Variants in TDP1 observed in about 807,000 individuals in gnomAD.
TDP1 encodes the protein tyrosyl-DNA phosphodiesterase 1, also known as tyr-DNA phosphodiesterase 1.
A neutral mutation model predicts 81.5 loss-of-function variants in TDP1; 64 were observed. That is an observed-to-expected ratio of 0.79 (90% CI 0.64 to 0.97). The LOEUF (loss-of-function observed/expected upper bound fraction) is 0.97, where lower values mean the gene tolerates loss of function less well. Among genes scored for constraint, TDP1 ranks in the 50% least tolerant of loss-of-function variants. The pLI is 0.00. For missense variants in TDP1, 723 were observed against 743.8 expected, an observed-to-expected ratio of 0.97 and a Z score of 0.33; for synonymous variants, 256 against 264.3, an observed-to-expected ratio of 0.97 and a Z score of 0.30.
chr14:89,990,794 G>C (rs931309720), intron 12 of TDP1, among the ~76,000 whole-genome samples: 19 of 152,156 alleles, frequency 1.2e-4, no homozygotes, highest in African/African-American at 4.6e-4. Context: ...ATATGTCAGA[G>C]ATGTTTGGAT....
chr14:89,967,431 C>T lies in TDP1; in HGVS notation c.659+9C>T. The T allele has an allele frequency of 6.2e-7, 1 of 1,612,946 alleles. No homozygotes were observed. Among genetic ancestry groups the T allele is most frequent in the Non-Finnish European group, 8.5e-7 (1 of 1,178,974 alleles). ...TATCCACCAGAGTTCAGGTGAGTTC[C>T]TCAGGGTGACAGACAACACTATAAA... is the stretch of plus-strand genomic sequence containing the variant. On this transcript the variant is annotated intron_variant, in intron 5 of 16. Transcript: ENST00000335725.
At chr14:89,974,791 T>C (rs1894080634) in intron 6 of TDP1, among the ~76,000 whole-genome samples, 1 of 152,226 alleles carries the variant, frequency 6.6e-6, no homozygotes, top group South Asian at 2.1e-4. Context: ...AAGGCAGGAT[T>C]TGAGCCCATG....
intron 6 of TDP1, among the ~76,000 whole-genome samples, chr14:89,971,624 T>C (rs1893678864): frequency 6.6e-6 from 1 of 152,236 alleles, no homozygotes; most frequent in South Asian, 2.1e-4. Context: ...TCGTTTTCTC[T>C]CTTTAATTCA....
intron 14 of TDP1, among the ~76,000 whole-genome samples, chr14:90,003,842 C>T (rs937784015): frequency 1.3e-5 from 2 of 152,192 alleles, no homozygotes; most frequent in Non-Finnish European, 2.9e-5. Flanking sequence ...ATTCTCTCTC[C>T]TCTGCTTTTC....
intron 14 of TDP1, among the ~76,000 whole-genome samples, chr14:90,016,293 T>C (rs189085452): frequency 1.3e-5 from 2 of 152,184 alleles, no homozygotes; most frequent in African/African-American, 4.8e-5. Context: ...ATCCGCTGCC[T>C]TGGCCTCCCA....
At position 90,007,600 on chromosome 14, in the gene TDP1, C is replaced by A. The variant is rs73328421; in HGVS notation, c.1542-11716C>A. Among the ~76,000 whole-genome samples, 582 of 152,074 alleles carry A rather than the reference C, an allele frequency of 3.8e-3. 2 individuals carry two copies. Among genetic ancestry groups the A allele is most frequent in the African/African-American group, 0.014 (563 of 41,502 alleles). On this transcript the variant is annotated intron_variant, in intron 14 of 16. Transcript: ENST00000335725. ...CAAGACCCTGTCTCGGGGCGGGAAA[C>A]TGGGACAAAGTAACTGCCAACTAAG...
chr14:89,977,128 T>C (rs12881272), intron 7 of TDP1, among the ~76,000 whole-genome samples: 14,466 of 152,108 alleles, frequency 0.095, 1,769 homozygotes, highest in African/African-American at 0.28. Flanking sequence ...GCACTCCAGT[T>C]TGGGTGACAG....
chr14:89,984,667 G>T lies in TDP1; in HGVS notation c.1036G>T (p.Asp346Tyr). Residue 346 changes from aspartate to tyrosine, a missense_variant, in exon 9 of 17, where the codon GAT (aspartate) becomes TAT (tyrosine). Physicochemically the swap from Asp to Tyr is radical, Grantham distance 160. Transcript: ENST00000335725. ...KEWIDVIHKH[D>Y]LSETNVYLIG... Reference sequence around the variant, plus strand: ...GTGGATAGATGTCATTCACAAGCACGATCTCTCTGAAACAAAGTATGTGTC... The same window carrying T: ...GTGGATAGATGTCATTCACAAGCACTATCTCTCTGAAACAAAGTATGTGTC... 1.9e-6 allele frequency: 3 copies of T among 1,613,852 alleles called. No homozygotes were observed. The highest frequency in any genetic ancestry group is 2.5e-6 in the Non-Finnish European group (3 of 1,179,998).
At chr14:89,989,124 T>C (rs1423956495) in intron 11 of TDP1, 34 bp downstream of exon 11, 1 of 1,594,988 alleles carries the variant, frequency 6.3e-7, no homozygotes, top group South Asian at 1.1e-5. Context: ...TAGTTTACTT[T>C]TATTCTCTAC....
At chr14:90,012,436 A>G (rs1219709954) in intron 14 of TDP1, among the ~76,000 whole-genome samples, 2 of 150,438 alleles carry the variant, frequency 1.3e-5, no homozygotes. Context: ...CTCCGACCCC[A>G]TAATTCCCTT....
At chr14:90,011,771 A>G (rs1884735315) in intron 14 of TDP1, among the ~76,000 whole-genome samples, 1 of 152,248 alleles carries the variant, frequency 6.6e-6, no homozygotes, top group South Asian at 2.1e-4. Flanking sequence ...TTATTCATTC[A>G]TAGAGATACT....
At chr14:90,018,888 A>C in intron 14 of TDP1, 1 of 874,424 alleles carries the variant, frequency 1.1e-6, no homozygotes, top group Non-Finnish European at 1.4e-6. Flanking sequence ...ACTACCTGGC[A>C]AAAAAACTGA....
At chr14:89,999,642 G>A (rs966357478) in intron 14 of TDP1, among the ~76,000 whole-genome samples, 2 of 152,130 alleles carry the variant, frequency 1.3e-5, no homozygotes, top group Non-Finnish European at 2.9e-5. Context: ...GAGAATTATA[G>A]GCAATATGAA....
intron 2 of TDP1, 64 bp from the exon 3 acceptor site, chr14:89,963,044 T>C: frequency 6.2e-7 from 1 of 1,612,578 alleles, no homozygotes; most frequent in Non-Finnish European, 8.5e-7. Context: ...TTGAGAGCAA[T>C]AAAGTTATTT....
rs35685293 is a variant in TDP1, at chr14:89,962,623, G to A, written c.-7-485G>A. 3.4e-3 allele frequency among the ~76,000 whole-genome samples: 520 copies of A among 152,144 alleles called. 1 individual carries two copies. Among genetic ancestry groups the A allele is most frequent in the Non-Finnish European group, 5.0e-3 (337 of 68,014 alleles). Reference sequence around the variant, plus strand: ...TTATACTTGTAATCCCAGCACTTTGGAAGGCCAAGGTGGGTGGATCTCTTG... The same window carrying A: ...TTATACTTGTAATCCCAGCACTTTGAAAGGCCAAGGTGGGTGGATCTCTTG... On this transcript the variant is annotated intron_variant, in intron 2 of 16. Transcript: ENST00000335725.
At chr14:90,033,429 C>T in intron 16 of TDP1, 1 of 619,272 alleles carries the variant, frequency 1.6e-6, no homozygotes, top group East Asian at 3.1e-5. Context: ...ACAGATCCTT[C>T]CTGACTTACA....
intron 6 of TDP1, among the ~76,000 whole-genome samples, chr14:89,971,569 C>T (rs938794016): frequency 1.1e-4 from 16 of 152,238 alleles, no homozygotes; most frequent in Non-Finnish European, 1.8e-4. Context: ...TCATCTTACA[C>T]ATGTCAGTGA....
At chr14:89,983,447 G>C (rs1322618845) in intron 8 of TDP1, among the ~76,000 whole-genome samples, 1 of 152,206 alleles carries the variant, frequency 6.6e-6, no homozygotes, top group Non-Finnish European at 1.5e-5. Flanking sequence ...TTGCAGTTCT[G>C]GATGCCTTCT....
At chr14:89,996,096 T>C (rs1229023554) in intron 14 of TDP1, among the ~76,000 whole-genome samples, 1 of 152,192 alleles carries the variant, frequency 6.6e-6, no homozygotes, top group African/African-American at 2.4e-5. Context: ...GTCAGAAACT[T>C]ATCCTCTGGA....
Sources: gnomAD v4.1 joint callset for allele counts (sites outside exome capture counted in the v4.1 genomes callset) on GRCh38, gnomAD v4.1.1 for gene constraint, MANE v1.5 for transcripts, NCBI Gene and HGNC (gene_info 2026-07-23, HGNC 2026-07-21) for gene names.